Variants in HDAC9 observed in about 807,000 individuals in gnomAD.
The protein encoded by HDAC9 is MEF-2 interacting transcription repressor (MITR) protein.
Under a neutral mutation model 139.4 loss-of-function variants are expected in HDAC9, and 41 were observed. The observed-to-expected ratio is 0.29, with a 90% confidence interval of 0.23 to 0.38. The LOEUF (loss-of-function observed/expected upper bound fraction) is 0.38, where lower values mean the gene tolerates loss of function less well. Among genes scored for constraint, HDAC9 ranks in the 10% least tolerant of loss-of-function variants. HDAC9 has a pLI of 1.00. For missense variants in HDAC9, 1,147 were observed against 1,297.0 expected, an observed-to-expected ratio of 0.88 and a Z score of 1.78; for synonymous variants, 517 against 476.2, an observed-to-expected ratio of 1.09 and a Z score of -1.12.
intron 24 of HDAC9, among the ~76,000 whole-genome samples, chr7:18,971,377 T>C (rs570055407): frequency 3.5e-4 from 53 of 152,294 alleles, no homozygotes; most frequent in African/African-American, 1.3e-3. Context: ...AGCAACCCAG[T>C]TGTGGCTCAT....
chr7:18,921,631 G>A (rs556477420), intron 22 of HDAC9, among the ~76,000 whole-genome samples: 1 of 152,264 alleles, frequency 6.6e-6, no homozygotes, highest in South Asian at 2.1e-4. Context: ...CTGTTGGTGG[G>A]ACTGTTAACT....
At chr7:18,144,289 G>A (rs865886437) in intron 1 of HDAC9, among the ~76,000 whole-genome samples, 2 of 152,278 alleles carry the variant, frequency 1.3e-5, no homozygotes, top group East Asian at 3.9e-4. Flanking sequence ...GAAAGTGAAG[G>A]CTTCTGAACT....
At chr7:18,922,125 GC>G (rs1803806188) in intron 22 of HDAC9, among the ~76,000 whole-genome samples, 1 of 151,600 alleles carries the variant, frequency 6.6e-6, no homozygotes, top group South Asian at 2.1e-4. Context: ...TATACCTAAT[GC>G]TAAATGACGA....
chr7:18,243,364 C>T (rs1363262610), intron 2 of HDAC9, among the ~76,000 whole-genome samples: 1 of 152,192 alleles, frequency 6.6e-6, no homozygotes, highest in African/African-American at 2.4e-5. Flanking sequence ...ATTGTGTCTT[C>T]CTCTTAGAGT....
chr7:18,434,943 A>G (rs555510397), intron 1 of HDAC9, among the ~76,000 whole-genome samples: 2 of 151,810 alleles, frequency 1.3e-5, no homozygotes, highest in South Asian at 4.2e-4. Flanking sequence ...ATGAACTTGT[A>G]TGTTTGTCAC....
intron 14 of HDAC9, among the ~76,000 whole-genome samples, chr7:18,757,777 C>T (rs1022339743): frequency 1.3e-5 from 2 of 152,048 alleles, no homozygotes; most frequent in East Asian, 1.9e-4. Context: ...GCATTTTATC[C>T]TGTCACAGTA....
chr7:18,796,102 T>C (rs10234468), intron 17 of HDAC9, among the ~76,000 whole-genome samples: 13,804 of 152,218 alleles, frequency 0.091, 730 homozygotes, highest in African/African-American at 0.15. Context: ...TACCACATCG[T>C]ATGAGATTGC....
intron 22 of HDAC9, among the ~76,000 whole-genome samples, chr7:18,875,855 CAA>C (rs956087055): frequency 1.3e-5 from 2 of 151,992 alleles, no homozygotes; most frequent in Non-Finnish European, 2.9e-5. Context: ...TCTAAATAAA[CAA>C]AGACAAAGAG....
At chr7:18,840,361 T>C (rs1281304998) in intron 21 of HDAC9, among the ~76,000 whole-genome samples, 1 of 152,030 alleles carries the variant, frequency 6.6e-6, no homozygotes, top group Non-Finnish European at 1.5e-5. Flanking sequence ...TCTGTACATA[T>C]CAGCTCTTCA....
At chr7:18,969,058 C>CCACACA (rs145223691) in intron 24 of HDAC9, among the ~76,000 whole-genome samples, 127 of 147,518 alleles carry the variant, frequency 8.6e-4, no homozygotes, top group African/African-American at 3.0e-3. Flanking sequence ...GATGAAGTTG[C>CCACACA]CACACACACA....
intron 2 of HDAC9, among the ~76,000 whole-genome samples, chr7:18,540,103 C>CAAAAAAAAAA (rs34620445): frequency 9.4e-4 from 55 of 58,238 alleles, no homozygotes; most frequent in Admixed American, 1.2e-3. Flanking sequence ...ACTAAAAATA[C>CAAAAAAAAAA]AAAAAAAAAA....
At chr7:18,115,927 A>G (rs1419518883) in intron 1 of HDAC9, among the ~76,000 whole-genome samples, 1 of 152,244 alleles carries the variant, frequency 6.6e-6, no homozygotes, top group African/African-American at 2.4e-5. Context: ...ATCTGACACC[A>G]TGTGGACCCT....
At chr7:18,947,425 T>A (rs1195624934) in intron 23 of HDAC9, among the ~76,000 whole-genome samples, 1 of 151,942 alleles carries the variant, frequency 6.6e-6, no homozygotes, top group East Asian at 1.9e-4. Flanking sequence ...TCACTACAGA[T>A]TTTAATGTTA....
rs1168712234 is a variant in HDAC9, at chr7:18,528,108, T to G, written c.22+31784T>G. On this transcript the variant is annotated intron_variant, in intron 2 of 25. Coordinates refer to ENST00000686413, the MANE Select transcript of HDAC9 (RefSeq NM_178425.4). The stretch of plus-strand genomic sequence containing the variant: ...GTTCAAGTGGAGTTTGAGACCAGGC[T>G]GAGCAATAAAGCAAGACTCAGTCTC... Among the ~76,000 whole-genome samples the G allele has an allele frequency of 3.3e-5, 5 of 151,902 alleles. No individual in the cohort carries two copies. In the East Asian group the frequency reaches 9.7e-4, roughly 29 times the overall value.
At chr7:18,594,416 GAAT>G (rs928376239) in intron 6 of HDAC9, among the ~76,000 whole-genome samples, 1 of 151,828 alleles carries the variant, frequency 6.6e-6, no homozygotes, top group Non-Finnish European at 1.5e-5. Context: ...ACAAAAACGA[GAAT>G]AATAAAGTTT....
chr7:18,723,181 G>GT (rs1262641279), intron 12 of HDAC9, among the ~76,000 whole-genome samples: 2 of 151,678 alleles, frequency 1.3e-5, no homozygotes, highest in Non-Finnish European at 2.9e-5. Context: ...ATGTTTCCTT[G>GT]TTTTATCCTA....
At chr7:18,906,372 T>G (rs1802265076) in intron 22 of HDAC9, among the ~76,000 whole-genome samples, 1 of 152,126 alleles carries the variant, frequency 6.6e-6, no homozygotes, top group Non-Finnish European at 1.5e-5. Flanking sequence ...CTTAAACTCC[T>G]TACCTCAGGT....
chr7:18,124,478 T>C (rs1476409975), intron 1 of HDAC9, among the ~76,000 whole-genome samples: 1 of 152,202 alleles, frequency 6.6e-6, no homozygotes, highest in African/African-American at 2.4e-5. Flanking sequence ...TTACAAGCAG[T>C]ATTTTATGCA....
intron 12 of HDAC9, among the ~76,000 whole-genome samples, chr7:18,700,061 A>G (rs999509682): frequency 6.6e-6 from 1 of 152,112 alleles, no homozygotes. Context: ...AATTAGTCTC[A>G]TAGATGATGG....
Sources: gnomAD v4.1 joint callset for allele counts (sites outside exome capture counted in the v4.1 genomes callset) on GRCh38, gnomAD v4.1.1 for gene constraint, MANE v1.5 for transcripts, NCBI Gene and HGNC (gene_info 2026-07-23, HGNC 2026-07-21) for gene names.